The following RCBTB2 variants were observed in gnomAD, a reference collection of about 807,000 sequenced individuals.
The protein encoded by RCBTB2 is RCC1 and BTB domain-containing protein 2.
In RCBTB2, 55 loss-of-function variants were observed where a neutral mutation model predicts 65.4. That is an observed-to-expected ratio of 0.84 (90% CI 0.68 to 1.05). The LOEUF is 1.05. Among genes scored for constraint, RCBTB2 ranks in the 50% least tolerant of loss-of-function variants. RCBTB2 has a pLI of 0.00. For missense variants in RCBTB2, 599 were observed against 680.1 expected, an observed-to-expected ratio of 0.88 and a Z score of 1.33; for synonymous variants, 220 against 255.2, an observed-to-expected ratio of 0.86 and a Z score of 1.31.
At chr13:48,529,184 T>C (rs1279398117) in intron 1 of RCBTB2, among the ~76,000 whole-genome samples, 1 of 152,178 alleles carries the variant, frequency 6.6e-6, no homozygotes, top group African/African-American at 2.4e-5. Context: ...CTAATGTGAG[T>C]TGAGATTTGA....
intron 1 of RCBTB2, among the ~76,000 whole-genome samples, chr13:48,530,279 G>C (rs73486823): frequency 9.2e-5 from 14 of 152,226 alleles, no homozygotes; most frequent in African/African-American, 3.1e-4. Context: ...TTAACCAACT[G>C]ATAAAACCAA....
At chr13:48,531,194 T>A (rs539498590) in intron 1 of RCBTB2, among the ~76,000 whole-genome samples, 1 of 152,324 alleles carries the variant, frequency 6.6e-6, no homozygotes, top group African/African-American at 2.4e-5. Context: ...CATTGATGCA[T>A]CCCAAGCATC....
At chr13:48,532,885 C>T (rs979907140) in intron 1 of RCBTB2, 143 bp downstream of exon 1, 5 of 431,044 alleles carry the variant, frequency 1.2e-5, no homozygotes, top group South Asian at 4.9e-5. Flanking sequence ...GGCTCTAGTC[C>T]CCTGGGCCCC....
chr13:48,530,759 G>A (rs1952069905), intron 1 of RCBTB2, among the ~76,000 whole-genome samples: 1 of 152,184 alleles, frequency 6.6e-6, no homozygotes, highest in Admixed American at 6.5e-5. Context: ...AAAGTCCAGT[G>A]TCTTCATTTG....
intron 10 of RCBTB2, 103 bp downstream of exon 10, chr13:48,510,520 AATATTC>A (rs1950723407): frequency 2.4e-5 from 30 of 1,237,828 alleles, no homozygotes; most frequent in Non-Finnish European, 3.2e-5. Flanking sequence ...CTTGTTAAAT[AATATTC>A]TAACACTAGC....
intron 10 of RCBTB2, among the ~76,000 whole-genome samples, chr13:48,507,400 C>G (rs1483376091): frequency 6.6e-6 from 1 of 152,224 alleles, no homozygotes; most frequent in Non-Finnish European, 1.5e-5. Flanking sequence ...CAGACAATGA[C>G]TATCAACTGA....
chr13:48,501,750 GAGA>G lies in RCBTB2; in HGVS notation c.1233_1235del (p.Leu412del), dbSNP rs2138456876. 1.9e-6 allele frequency: 3 copies of G among 1,610,594 alleles called. No individual in the cohort carries two copies. Among genetic ancestry groups the G allele is most frequent in the Non-Finnish European group, 2.5e-6 (3 of 1,177,608 alleles). On this transcript the variant is annotated inframe_deletion, in exon 12 of 15. Transcript: ENST00000344532. ...AATAAATGATTCCTTACCGAATCTT[GAGA>G]AGGACTTTATGTGCATAAATGTACT...
chr13:48,519,897 G>C (rs989573034), intron 4 of RCBTB2, among the ~76,000 whole-genome samples: 9 of 152,016 alleles, frequency 5.9e-5, no homozygotes, highest in African/African-American at 2.2e-4. Context: ...ATTTAATACA[G>C]GCTGAGCATC....
intron 1 of RCBTB2, among the ~76,000 whole-genome samples, chr13:48,528,196 C>A (rs770183995): frequency 6.6e-5 from 10 of 152,010 alleles, no homozygotes; most frequent in Admixed American, 6.5e-4. Flanking sequence ...TCCACATTAC[C>A]CCAACCCAAT....
At chr13:48,531,384 A>G (rs996624728) in intron 1 of RCBTB2, among the ~76,000 whole-genome samples, 4 of 152,238 alleles carry the variant, frequency 2.6e-5, no homozygotes, top group Admixed American at 1.3e-4. Context: ...CAAATATATA[A>G]TATCAGATGG....
In RCBTB2 at chr13:48,499,142, A is replaced by ACACACTCT. The variant is rs1366425462; in HGVS notation, c.1384+478_1384+479insAGAGTGTG. ...CACACACACACACACACACACACACACTCTCTCTCTCTCTCTCTCTCTCTC... is the reference window on the plus strand; with the variant it reads ...CACACACACACACACACACACACACACACACTCTCTCTCTCTCTCTCTCTCTCTCTCTC... On this transcript the variant is annotated intron_variant, in intron 13 of 14. Transcript: ENST00000344532. Among the ~76,000 whole-genome samples, 16 of 132,386 alleles carry ACACACTCT rather than the reference A, an allele frequency of 1.2e-4. No homozygotes were observed. The East Asian group carries it at 2.4e-3, about 20-fold the overall frequency. 86.9% of individuals were successfully genotyped at this position (132,386 alleles called of 152,430 possible). A position where few individuals can be genotyped will look rare whatever the true frequency, so the allele number is the denominator to read the frequency against.
intron 4 of RCBTB2, among the ~76,000 whole-genome samples, chr13:48,521,638 G>A (rs1951429672): frequency 6.6e-6 from 1 of 151,864 alleles, no homozygotes; most frequent in Admixed American, 6.5e-5. Flanking sequence ...GCAGGGGATG[G>A]CCTTTGCGCC....
rs986146232 is a variant in RCBTB2, at chr13:48,520,639, C to T, written c.42+1259G>A. Among the ~76,000 whole-genome samples the T allele has an allele frequency of 3.4e-4, 52 of 152,232 alleles. 1 individual carries two copies. The highest frequency in any genetic ancestry group is 1.2e-3 in the African/African-American group (48 of 41,540). ...AAACATAATTAAGGAAATACATCTG[C>T]CACAAAATTAGAGACCAAATTGCAC... On this transcript the variant is annotated intron_variant, in intron 4 of 14. Transcript: ENST00000344532.
chr13:48,498,231 G>A (rs968252152), intron 13 of RCBTB2, among the ~76,000 whole-genome samples: 1 of 152,196 alleles, frequency 6.6e-6, no homozygotes, highest in African/African-American at 2.4e-5. Flanking sequence ...AAGAAGTCCT[G>A]CAACTCTAAA....
intron 10 of RCBTB2, among the ~76,000 whole-genome samples, chr13:48,507,212 C>T (rs1029700711): frequency 2.0e-5 from 3 of 152,242 alleles, no homozygotes; most frequent in Admixed American, 2.0e-4. Context: ...TGGTTGGCTG[C>T]AGTAGCTGCT....
chr13:48,515,066 T>A, intron 6 of RCBTB2, 139 bp downstream of exon 6: 1 of 761,940 alleles, frequency 1.3e-6, no homozygotes. Flanking sequence ...TATGCTGGCA[T>A]TCAGATACAT....
At chr13:48,502,679 C>A in intron 11 of RCBTB2, 45 bp downstream of exon 11, 1 of 1,552,096 alleles carries the variant, frequency 6.4e-7, no homozygotes, top group South Asian at 1.2e-5. Flanking sequence ...TGAGCTCTTT[C>A]CCAGATTTTC....
rs763276960 is a variant in RCBTB2 at position 48,496,196 on chromosome 13, C to T, written c.1510G>A (p.Ala504Thr). 2.0e-6 allele frequency: 3 copies of T among 1,514,908 alleles called. No homozygotes were observed. Among genetic ancestry groups the T allele is most frequent in the African/African-American group, 2.8e-5 (2 of 71,530 alleles). The allele number at this position is 1,514,908 out of a possible 1,614,324, so 93.8% of individuals were successfully genotyped here. Residue 504 changes from alanine to threonine, a missense_variant, in exon 14 of 15, where the codon GCA becomes ACA. By Grantham distance (58) the Ala-to-Thr change is moderately conservative. Coordinates refer to ENST00000344532, the MANE Select transcript of RCBTB2 (RefSeq NM_001268.4). ...ALLSAAVKYD[A>T]QDLEEFCFRF... ...TGGAAGCAAGCTTTCCTTACCTGTG[C>T]ATCATACTTCACCGCAGCCGAGAGC...
intron 8 of RCBTB2, 59 bp downstream of exon 8, chr13:48,511,957 G>A: frequency 6.2e-7 from 1 of 1,607,062 alleles, no homozygotes; most frequent in Non-Finnish European, 8.5e-7. Context: ...ATACCATACT[G>A]GCATGAGACT....
Sources: allele counts gnomAD v4.1 joint callset (sites outside exome capture counted in the v4.1 genomes callset), GRCh38; gene constraint gnomAD v4.1.1; transcripts MANE v1.5; gene names NCBI Gene and HGNC (gene_info 2026-07-23, HGNC 2026-07-21).